CYRIA: variants seen among roughly 807,000 people sequenced by gnomAD.
CYRIA encodes CYFIP-related Rac1 interactor A.
Under a neutral mutation model 43.9 loss-of-function variants are expected in CYRIA, and 15 were observed. The observed-to-expected ratio is 0.34, with a 90% CI of 0.23 to 0.53. The LOEUF is 0.53. Among genes scored for constraint, CYRIA ranks in the 20% least tolerant of loss-of-function variants. CYRIA has a pLI of 0.94. For missense variants in CYRIA, 236 were observed against 394.2 expected (o/e 0.60, Z 3.40); for synonymous variants, 117 against 136.0 (o/e 0.86, Z 0.97).
intron 1 of CYRIA, among the ~76,000 whole-genome samples, chr2:16,639,201 GCTAA>G (rs1241721563): frequency 6.6e-6 from 1 of 152,198 alleles, no homozygotes; most frequent in Non-Finnish European, 1.5e-5. Flanking sequence ...CATGTTCTGG[GCTAA>G]CTTTCTGATC....
rs796843727 is a variant in CYRIA, at chr2:16,576,047, TC to T, written c.71-10281del. Among the ~76,000 whole-genome samples, 7 of 152,268 alleles carry T rather than the reference TC, an allele frequency of 4.6e-5. No individual in the cohort carries two copies. In the South Asian group the frequency reaches 1.5e-3, roughly 32 times the overall value. The stretch of plus-strand genomic sequence containing the variant: ...GAACTGTAAGTCCATTAAACTTTTT[TC>T]TTTTGTAAATTGCCCAATCTCGGGT... On this transcript the variant is annotated intron_variant, in intron 3 of 11. Transcript: ENST00000381323.
intron 3 of CYRIA, among the ~76,000 whole-genome samples, chr2:16,584,678 A>G (rs1667664107): frequency 6.6e-6 from 1 of 152,102 alleles, no homozygotes; most frequent in Non-Finnish European, 1.5e-5. Context: ...TCTCTCCAGC[A>G]AGCATTTGGT....
At chr2:16,591,147 AT>A (rs71982027) in intron 2 of CYRIA, among the ~76,000 whole-genome samples, 27,775 of 152,048 alleles carry the variant, frequency 0.18, 3,533 homozygotes, top group African/African-American at 0.35. Flanking sequence ...TATAGAGCTT[AT>A]TTTTTTATTA....
At chr2:16,628,106 T>C (rs1669222489) in intron 1 of CYRIA, among the ~76,000 whole-genome samples, 1 of 152,140 alleles carries the variant, frequency 6.6e-6, no homozygotes, top group Admixed American at 6.5e-5. Flanking sequence ...AGGGGTCATC[T>C]CTCACCATTT....
At position 16,655,901 on chromosome 2, in the gene CYRIA, C is replaced by A. The variant is rs1266609096; in HGVS notation, c.-167+9879G>T. On this transcript the variant is annotated intron_variant, in intron 1 of 11. Transcript: ENST00000381323. ...TTTACAGGGTTCTATGTTTCTGAAG[C>A]AGCAGAATTGGATATTTCTCCCTAA... is the stretch of plus-strand genomic sequence containing the variant. Among the ~76,000 whole-genome samples the A allele has an allele frequency of 2.0e-5, 3 of 152,034 alleles. No homozygotes were observed. In the East Asian group the frequency reaches 5.8e-4, roughly 29 times the overall value.
At chr2:16,636,755 G>A (rs1669508574) in intron 1 of CYRIA, among the ~76,000 whole-genome samples, 1 of 151,768 alleles carries the variant, frequency 6.6e-6, no homozygotes, top group South Asian at 2.1e-4. Context: ...CCCCTGCCTG[G>A]GCAACGTAGT....
chr2:16,642,546 A>G (rs1220688989), intron 1 of CYRIA, among the ~76,000 whole-genome samples: 1 of 152,096 alleles, frequency 6.6e-6, no homozygotes, highest in Non-Finnish European at 1.5e-5. Context: ...CTTGCCATAG[A>G]GTGGCCAGAG....
chr2:16,593,699 T>C (rs1244449172), intron 2 of CYRIA, among the ~76,000 whole-genome samples: 1 of 82,196 alleles, frequency 1.2e-5, no homozygotes, highest in African/African-American at 8.6e-5. Context: ...TGTGTGTGTG[T>C]TTTTTTTTGT....
At chr2:16,620,167 C>G (rs576318914) in intron 2 of CYRIA, among the ~76,000 whole-genome samples, 81 of 152,284 alleles carry the variant, frequency 5.3e-4, no homozygotes, top group Middle Eastern at 6.8e-3. Context: ...TTAATGAGTG[C>G]GTAATTTCTA....
At chr2:16,586,562 A>T (rs1667735091) in intron 3 of CYRIA, among the ~76,000 whole-genome samples, 1 of 152,054 alleles carries the variant, frequency 6.6e-6, no homozygotes, top group African/African-American at 2.4e-5. Context: ...ATTGACTATA[A>T]ACTAGATTAA....
intron 3 of CYRIA, among the ~76,000 whole-genome samples, chr2:16,586,238 T>G (rs532919736): frequency 6.6e-6 from 1 of 152,218 alleles, no homozygotes; most frequent in Non-Finnish European, 1.5e-5. Context: ...TTGTACACAT[T>G]GAATGCAACA....
chr2:16,616,594 T>G (rs1217503294), intron 2 of CYRIA, among the ~76,000 whole-genome samples: 1 of 152,236 alleles, frequency 6.6e-6, no homozygotes, highest in African/African-American at 2.4e-5. Flanking sequence ...TTCATCCTGA[T>G]ATCCGTCAGG....
At chr2:16,569,677 A>G (rs1435931892) in intron 3 of CYRIA, among the ~76,000 whole-genome samples, 1 of 152,210 alleles carries the variant, frequency 6.6e-6, no homozygotes, top group Non-Finnish European at 1.5e-5. Flanking sequence ...CTCTTTTCAA[A>G]TGGGAAAAGA....
At chr2:16,613,822 C>T (rs531901628) in intron 2 of CYRIA, among the ~76,000 whole-genome samples, 10 of 152,370 alleles carry the variant, frequency 6.6e-5, no homozygotes, top group African/African-American at 2.2e-4. Flanking sequence ...TAGTAGCCAA[C>T]GCTTACTTAA....
At chr2:16,601,419 G>C (rs372102877) in intron 2 of CYRIA, among the ~76,000 whole-genome samples, 1 of 152,134 alleles carries the variant, frequency 6.6e-6, no homozygotes, top group East Asian at 1.9e-4. Flanking sequence ...TACTGTGCTA[G>C]TATTTTGAAA....
At chr2:16,586,637 G>A (rs1183965110) in intron 3 of CYRIA, among the ~76,000 whole-genome samples, 2 of 121,802 alleles carry the variant, frequency 1.6e-5, no homozygotes, top group African/African-American at 3.7e-5. Context: ...TTTAAAACCT[G>A]CCAAAGACAC....
chr2:16,643,275 G>A lies in CYRIA; in HGVS notation c.-166-19256C>T, dbSNP rs1363673249. 4.6e-5 allele frequency among the ~76,000 whole-genome samples: 7 copies of A among 152,228 alleles called. 1 individual carries two copies. In the Middle Eastern group the frequency reaches 0.01, roughly 222 times the overall value. ...CACTTTAGTCGTTCATCCTTGAACCGTAGCTTAAACAATGAATGGCATTGA... is the reference window on the plus strand; with the variant it reads ...CACTTTAGTCGTTCATCCTTGAACCATAGCTTAAACAATGAATGGCATTGA... On this transcript the variant is annotated intron_variant, in intron 1 of 11. Coordinates refer to ENST00000381323, the MANE Select transcript of CYRIA (RefSeq NM_030797.4).
At chr2:16,604,477 T>C (rs1031791383) in intron 2 of CYRIA, among the ~76,000 whole-genome samples, 1 of 152,218 alleles carries the variant, frequency 6.6e-6, no homozygotes, top group Non-Finnish European at 1.5e-5. Context: ...AGTATTCAGA[T>C]GACTCAGACA....
intron 2 of CYRIA, among the ~76,000 whole-genome samples, chr2:16,598,806 C>T (rs1668096768): frequency 8.2e-6 from 1 of 122,298 alleles, no homozygotes; most frequent in African/African-American, 4.2e-5. Context: ...AGGAGAGGTG[C>T]TCTGCGTTTT....
Sources: gnomAD v4.1 joint callset for allele counts (sites outside exome capture counted in the v4.1 genomes callset) on GRCh38, gnomAD v4.1.1 for gene constraint, MANE v1.5 for transcripts, NCBI Gene and HGNC (gene_info 2026-07-23, HGNC 2026-07-21) for gene names.